The following SLC1A7 variants were observed in gnomAD, a reference collection of about 807,000 sequenced individuals.
The protein encoded by SLC1A7 is solute carrier family 1 member 7, also known as excitatory amino acid transporter 5.
SLC1A7 carries 40 observed loss-of-function variants against 47.7 expected under a neutral mutation model. The ratio of observed to expected loss-of-function variants is 0.84; its 90% CI spans 0.65 to 1.09. SLC1A7 has a LOEUF of 1.09. Among genes scored for constraint, SLC1A7 ranks in the 50% least tolerant of loss-of-function variants. The pLI is 0.00. For synonymous variants in SLC1A7, 323 were observed against 325.6 expected (o/e 0.99, Z 0.09); for missense variants, 746 against 769.5 (o/e 0.97, Z 0.36).
chr1:53,106,517 T>C (rs1353134996), intron 3 of SLC1A7, among the ~76,000 whole-genome samples: 1 of 149,116 alleles, frequency 6.7e-6, no homozygotes. Context: ...GGCAGGAGAA[T>C]GGCGTGAACC....
chr1:53,126,279 C>T (rs982053605), intron 2 of SLC1A7, among the ~76,000 whole-genome samples: 15 of 152,254 alleles, frequency 9.9e-5, no homozygotes, highest in African/African-American at 2.9e-4. Flanking sequence ...CCTCCTCTCT[C>T]GTGGCCCTCA....
At chr1:53,096,065 G>A (rs1644485321) in intron 5 of SLC1A7, among the ~76,000 whole-genome samples, 2 of 138,944 alleles carry the variant, frequency 1.4e-5, no homozygotes, top group African/African-American at 5.5e-5. Flanking sequence ...AACTGCCTCA[G>A]TACACTCACA....
chr1:53,108,292 C>A, intron 3 of SLC1A7: 1 of 389,496 alleles, frequency 2.6e-6, no homozygotes, highest in South Asian at 2.9e-5. Flanking sequence ...AGTTTACACA[C>A]ACGGAGAACA....
intron 3 of SLC1A7, among the ~76,000 whole-genome samples, chr1:53,109,640 A>C (rs1299278646): frequency 2.0e-5 from 3 of 152,046 alleles, no homozygotes; most frequent in Non-Finnish European, 1.5e-5. Flanking sequence ...CTTCCTGGTC[A>C]TCAGTGTTTT....
At chr1:53,116,852 A>T (rs546454709) in intron 2 of SLC1A7, among the ~76,000 whole-genome samples, 2 of 152,216 alleles carry the variant, frequency 1.3e-5, no homozygotes, top group Non-Finnish European at 2.9e-5. Context: ...CCTTTCGCAC[A>T]TGCCCACTCC....
chr1:53,120,587 A>G (rs1644808538), intron 2 of SLC1A7, among the ~76,000 whole-genome samples: 1 of 152,124 alleles, frequency 6.6e-6, no homozygotes, highest in Non-Finnish European at 1.5e-5. Flanking sequence ...TCCCTTCCCC[A>G]ACCCTGGCCC....
intron 5 of SLC1A7, among the ~76,000 whole-genome samples, chr1:53,098,043 C>T (rs1482071905): frequency 6.7e-6 from 1 of 150,070 alleles, no homozygotes; most frequent in East Asian, 2.0e-4. Context: ...ACATACCCTG[C>T]CTCCGTACAC....
intron 3 of SLC1A7, among the ~76,000 whole-genome samples, chr1:53,111,895 T>C (rs1315230852): frequency 6.6e-6 from 1 of 152,198 alleles, no homozygotes; most frequent in African/African-American, 2.4e-5. Flanking sequence ...CTCCAGACCC[T>C]ATAGGTGACA....
At chr1:53,121,507 C>T (rs6694834) in intron 2 of SLC1A7, among the ~76,000 whole-genome samples, 62,306 of 152,116 alleles carry the variant, frequency 0.41, 13,211 homozygotes, top group East Asian at 0.54. Flanking sequence ...CTTCAGGACT[C>T]TGCTTTCGGC....
intron 2 of SLC1A7, among the ~76,000 whole-genome samples, chr1:53,126,018 ATC>A (rs1644877928): frequency 6.6e-6 from 1 of 152,360 alleles, no homozygotes; most frequent in African/African-American, 2.4e-5. Flanking sequence ...GCCTTTGAAA[ATC>A]TCTTAAGTTG....
At chr1:53,118,007 G>A (rs1644780132) in intron 2 of SLC1A7, among the ~76,000 whole-genome samples, 1 of 152,280 alleles carries the variant, frequency 6.6e-6, no homozygotes, top group East Asian at 1.9e-4. Context: ...GCTGGTGACA[G>A]CTGGCAGCAC....
At chr1:53,140,220 A>G (rs932803704) in intron 1 of SLC1A7, among the ~76,000 whole-genome samples, 4 of 152,224 alleles carry the variant, frequency 2.6e-5, no homozygotes, top group Admixed American at 2.0e-4. Flanking sequence ...ACTGGAATAC[A>G]TTTGCATTTC....
intron 2 of SLC1A7, among the ~76,000 whole-genome samples, chr1:53,125,614 C>T (rs763930325): frequency 2.6e-5 from 4 of 152,176 alleles, no homozygotes; most frequent in East Asian, 1.9e-4. Flanking sequence ...GCTCAACTCC[C>T]GGGGAGCTGA....
chr1:53,089,042 C>T, intron 9 of SLC1A7, 63 bp from the exon 10 acceptor site: 6 of 1,313,324 alleles, frequency 4.6e-6, no homozygotes, highest in Non-Finnish European at 6.6e-6. Flanking sequence ...GAGGGCAGTG[C>T]TCAACCCAGC....
intron 5 of SLC1A7, among the ~76,000 whole-genome samples, chr1:53,093,823 C>T (rs773435131): frequency 3.9e-4 from 60 of 152,328 alleles, no homozygotes; most frequent in Middle Eastern, 3.4e-3. Flanking sequence ...CCCCTGGCTT[C>T]GCTGTGCGCT....
intron 1 of SLC1A7, among the ~76,000 whole-genome samples, chr1:53,139,341 C>T (rs35036005): frequency 0.27 from 41,424 of 152,072 alleles, 5,826 homozygotes; most frequent in Middle Eastern, 0.46. Context: ...CAGCTGACAG[C>T]GATCTGAAAC....
At chr1:53,091,097 G>T in intron 7 of SLC1A7, 1 of 783,418 alleles carries the variant, frequency 1.3e-6, no homozygotes, top group Non-Finnish European at 2.0e-6. Flanking sequence ...GAGCAGCAGG[G>T]CCCTGGGCCA....
At chr1:53,140,498 C>T (rs1387191829) in intron 1 of SLC1A7, among the ~76,000 whole-genome samples, 1 of 151,950 alleles carries the variant, frequency 6.6e-6, no homozygotes, top group Non-Finnish European at 1.5e-5. Context: ...TGTTGTTCAG[C>T]AATATGCAGC....
chr1:53,132,633 C>T (rs1644952690), intron 2 of SLC1A7, among the ~76,000 whole-genome samples: 1 of 152,068 alleles, frequency 6.6e-6, no homozygotes, highest in Admixed American at 6.6e-5. Flanking sequence ...ATTGCTGGAG[C>T]TCAGGAGTTT....
Sources: gnomAD v4.1 joint callset for allele counts (sites outside exome capture counted in the v4.1 genomes callset) on GRCh38, gnomAD v4.1.1 for gene constraint, MANE v1.5 for transcripts, NCBI Gene and HGNC (gene_info 2026-07-23, HGNC 2026-07-21) for gene names.